Variants in NXPE1 observed in about 807,000 individuals in gnomAD.
The protein encoded by NXPE1 is neurexophilin and PC-esterase domain family member 1.
NXPE1 carries 31 observed loss-of-function variants against 33.3 expected under a neutral mutation model. The observed-to-expected ratio is 0.93, with a 90% CI of 0.70 to 1.26. The LOEUF (loss-of-function observed/expected upper bound fraction) is 1.26, where lower values mean the gene tolerates loss of function less well. Ranked by LOEUF, NXPE1 falls within the 50% of genes most tolerant of loss-of-function variation. NXPE1 has a pLI of 0.00. For synonymous variants in NXPE1, 229 were observed against 231.4 expected, an observed-to-expected ratio of 0.99 and a Z score of 0.09; for missense variants, 661 against 655.6, an observed-to-expected ratio of 1.01 and a Z score of -0.09.
intron 1 of NXPE1, among the ~76,000 whole-genome samples, chr11:114,557,392 A>C (rs991276927): frequency 6.6e-6 from 1 of 151,538 alleles, no homozygotes; most frequent in Non-Finnish European, 1.5e-5. Flanking sequence ...AGAAAACTGT[A>C]CTCCATTTAC....
At chr11:114,520,739 C>T (rs919462166), downstream of NXPE1, among the ~76,000 whole-genome samples, 1 of 152,050 alleles carries the variant, frequency 6.6e-6, no homozygotes, top group Admixed American at 6.6e-5. Context: ...ATGAGAGTTC[C>T]CTTTGTGTGT....
intron 1 of NXPE1, among the ~76,000 whole-genome samples, chr11:114,553,109 T>A (rs1948554949): frequency 2.0e-5 from 3 of 152,192 alleles, no homozygotes; most frequent in Admixed American, 2.0e-4. Context: ...AAAATTCCTA[T>A]TCATTGTTTG....
intron 7 of NXPE1, chr11:114,527,311 TATC>T (rs1565298106): frequency 6.6e-6 from 1 of 152,258 alleles, no homozygotes; most frequent in Non-Finnish European, 1.5e-5. Context: ...TTGAAGTAAG[TATC>T]ATGATGGATG....
At chr11:114,557,634 CATATATAT>C (rs4019608) in intron 1 of NXPE1, among the ~76,000 whole-genome samples, 11,143 of 128,000 alleles carry the variant, frequency 0.087, 614 homozygotes, top group South Asian at 0.18. Context: ...ATATATAATA[CATATATAT>C]ATATATATAT....
intron 5 of NXPE1, among the ~76,000 whole-genome samples, chr11:114,533,242 C>T (rs12275658): frequency 1.3e-5 from 2 of 151,930 alleles, no homozygotes; most frequent in Non-Finnish European, 2.9e-5. Flanking sequence ...AGCAAGAAGC[C>T]GAATACAAAA....
downstream of NXPE1, among the ~76,000 whole-genome samples, chr11:114,520,396 T>G (rs1339250090): frequency 6.6e-6 from 1 of 152,234 alleles, no homozygotes. Flanking sequence ...GTTATTTTAC[T>G]TAGCGTAACG....
intron 5 of NXPE1, among the ~76,000 whole-genome samples, chr11:114,544,723 G>A (rs1948215296): frequency 6.6e-6 from 1 of 152,132 alleles, no homozygotes; most frequent in Non-Finnish European, 1.5e-5. Flanking sequence ...TGATAAGTTA[G>A]ATTTTATTAA....
intron 5 of NXPE1, among the ~76,000 whole-genome samples, 199 bp from the exon 6 acceptor site, chr11:114,531,107 TATA>T (rs1344672343): frequency 5.9e-5 from 9 of 151,616 alleles, no homozygotes; most frequent in East Asian, 1.9e-4. Flanking sequence ...ATGATGATGA[TATA>T]ATATTATTAT....
chr11:114,536,583 A>G (rs1325438557), intron 5 of NXPE1, among the ~76,000 whole-genome samples: 1 of 152,228 alleles, frequency 6.6e-6, no homozygotes, highest in African/African-American at 2.4e-5. Flanking sequence ...GACGCCATAA[A>G]AAATGACAAA....
At chr11:114,540,734 C>G (rs1237291093) in intron 5 of NXPE1, among the ~76,000 whole-genome samples, 1 of 146,482 alleles carries the variant, frequency 6.8e-6, no homozygotes, top group Non-Finnish European at 1.5e-5. Flanking sequence ...GAAGATGAAA[C>G]TTGGAAGAAG....
rs548239061 is a variant in NXPE1 at position 114,531,022 on chromosome 11, G to C, written c.100-114C>G. ...ATATTTGTATAATTGAATTCAATTT[G>C]TTACCAAATTGAATATTTGGTAATA... is the stretch of plus-strand genomic sequence containing the variant. On this transcript the variant is annotated intron_variant, in intron 5 of 8. Coordinates refer to ENST00000534921, the Ensembl canonical transcript of NXPE1. The C allele has an allele frequency of 3.6e-6, 4 of 1,121,282 alleles. No homozygotes were observed. In the East Asian group the frequency reaches 1.1e-4, roughly 30 times the overall value. 69.5% of individuals were successfully genotyped at this position (1,121,282 alleles called of 1,614,324 possible).
chr11:114,522,883 T>C (rs773352706), exon 8 of NXPE1: 4 of 1,610,026 alleles, frequency 2.5e-6, no homozygotes, highest in Admixed American at 1.7e-5. Flanking sequence ...ACCTACTTTT[T>C]ACAACTTTGG....
At position 114,535,085 on chromosome 11, in the gene NXPE1, G is replaced by A. The variant is rs181174957; in HGVS notation, c.100-4177C>T. On this transcript the variant is annotated intron_variant, in intron 5 of 8. Coordinates refer to ENST00000534921, the Ensembl canonical transcript of NXPE1. ...CCATCAGACTAACAGCTGATCTCTT[G>A]CCAGAAACTCTACGAGCCAGAAGAG... Among the ~76,000 whole-genome samples the A allele has an allele frequency of 6.7e-3, 1,027 of 152,284 alleles. 10 individuals are homozygous for A. Among genetic ancestry groups the A allele is most frequent in the African/African-American group, 0.022 (900 of 41,544 alleles).
intron 5 of NXPE1, among the ~76,000 whole-genome samples, chr11:114,532,448 G>T (rs183896330): frequency 7.9e-5 from 12 of 152,154 alleles, no homozygotes; most frequent in Non-Finnish European, 1.5e-4. Flanking sequence ...AAATAATCAT[G>T]TAATATATAA....
intron 5 of NXPE1, among the ~76,000 whole-genome samples, chr11:114,538,736 A>C (rs1204494209): frequency 6.6e-6 from 1 of 152,112 alleles, no homozygotes; most frequent in African/African-American, 2.4e-5. Context: ...ACAATGAGAT[A>C]CCATCTCACA....
At chr11:114,550,330 T>G (rs1346435046) in intron 5 of NXPE1, among the ~76,000 whole-genome samples, 1 of 152,104 alleles carries the variant, frequency 6.6e-6, no homozygotes, top group African/African-American at 2.4e-5. Context: ...TAAAACTTAC[T>G]TGTAAAAATC....
At chr11:114,545,593 G>C (rs549840893) in intron 5 of NXPE1, among the ~76,000 whole-genome samples, 12 of 152,146 alleles carry the variant, frequency 7.9e-5, no homozygotes, top group Non-Finnish European at 1.5e-4. Context: ...GTGAATCAGA[G>C]GGGGACTTTT....
In NXPE1 at chr11:114,546,478, T is replaced by C. The variant is rs1298991698; in HGVS notation, c.99+4625A>G. 2.0e-5 allele frequency among the ~76,000 whole-genome samples: 3 copies of C among 151,768 alleles called. No homozygotes were observed. The South Asian group carries it at 6.2e-4, about 32-fold the overall frequency. On this transcript the variant is annotated intron_variant, in intron 5 of 8. Transcript: ENST00000534921. ...TATATATTTTTTCTTTTTCTTTTTT[T>C]TTTTTTAGAGATGGGGTTTTGCTAT...
rs540665334 is a variant in NXPE1, at chr11:114,543,661, C to T, written c.99+7442G>A. 6.6e-5 allele frequency among the ~76,000 whole-genome samples: 10 copies of T among 152,156 alleles called. No individual in the cohort carries two copies. In the East Asian group the frequency reaches 1.9e-3, roughly 29 times the overall value. Reference sequence around the variant, plus strand: ...TAATAATGAGAGATTAAACACTTCCCCAATATTGGAACCAGTCAAGAATGT... The same window carrying T: ...TAATAATGAGAGATTAAACACTTCCTCAATATTGGAACCAGTCAAGAATGT... On this transcript the variant is annotated intron_variant, in intron 5 of 8. Transcript: ENST00000534921.
Sources: allele counts gnomAD v4.1 joint callset (sites outside exome capture counted in the v4.1 genomes callset), GRCh38; gene constraint gnomAD v4.1.1; transcripts MANE v1.5; gene names NCBI Gene and HGNC (gene_info 2026-07-23, HGNC 2026-07-21).